The following RAPGEF4 variants were observed in gnomAD, a reference collection of about 807,000 sequenced individuals.
The protein encoded by RAPGEF4 is RAP guanine-nucleotide-exchange factor (GEF) 4.
A neutral mutation model predicts 147.9 loss-of-function variants in RAPGEF4; 66 were observed. That is an observed-to-expected ratio of 0.45 (90% CI 0.37 to 0.55). The LOEUF (loss-of-function observed/expected upper bound fraction) is 0.55. RAPGEF4 is among the 20% of genes least tolerant of loss of function. RAPGEF4 has a pLI of 0.00. For missense variants in RAPGEF4, 1,071 were observed against 1,257.3 expected (o/e 0.85, Z 2.24); for synonymous variants, 419 against 442.7 (o/e 0.95, Z 0.67).
chr2:172,867,104 T>G (rs1378639137), intron 4 of RAPGEF4, among the ~76,000 whole-genome samples: 2 of 152,052 alleles, frequency 1.3e-5, no homozygotes, highest in Non-Finnish European at 2.9e-5. Flanking sequence ...CCCTAGTAGC[T>G]GGGATTGCAG....
At chr2:172,749,046 G>A (rs551684896) in intron 1 of RAPGEF4, among the ~76,000 whole-genome samples, 1 of 152,338 alleles carries the variant, frequency 6.6e-6, no homozygotes, top group East Asian at 1.9e-4. Context: ...CCTGGCCCCT[G>A]TGGCTTTGCA....
At chr2:172,828,269 G>A (rs767863076) in intron 4 of RAPGEF4, among the ~76,000 whole-genome samples, 3 of 152,126 alleles carry the variant, frequency 2.0e-5, no homozygotes, top group Non-Finnish European at 2.9e-5. Context: ...CTCCATGGGC[G>A]TCGCATTCGT....
At chr2:172,892,694 C>G (rs1698062242) in intron 4 of RAPGEF4, among the ~76,000 whole-genome samples, 1 of 152,246 alleles carries the variant, frequency 6.6e-6, no homozygotes, top group African/African-American at 2.4e-5. Context: ...CTCCTTAACA[C>G]AGCCTGCTTT....
intron 1 of RAPGEF4, among the ~76,000 whole-genome samples, chr2:172,758,328 A>G (rs1212324213): frequency 6.6e-6 from 1 of 152,208 alleles, no homozygotes; most frequent in East Asian, 1.9e-4. Flanking sequence ...CAGATCACAT[A>G]GGAACTTGAC....
intron 4 of RAPGEF4, among the ~76,000 whole-genome samples, chr2:172,835,167 C>T (rs983225561): frequency 6.6e-6 from 1 of 152,008 alleles, no homozygotes; most frequent in Non-Finnish European, 1.5e-5. Flanking sequence ...GTAAATAGAC[C>T]GTGAAGAAGT....
chr2:173,020,221 A>G (rs1695939209), intron 22 of RAPGEF4, among the ~76,000 whole-genome samples: 1 of 152,230 alleles, frequency 6.6e-6, no homozygotes, highest in Non-Finnish European at 1.5e-5. Flanking sequence ...ATCTAAAATC[A>G]TGTGAGGTCT....
intron 1 of RAPGEF4, among the ~76,000 whole-genome samples, chr2:172,782,185 T>A (rs1684746803): frequency 6.6e-6 from 1 of 152,234 alleles, no homozygotes; most frequent in South Asian, 2.1e-4. Context: ...TACTTCTTTC[T>A]TAAAGCTAGA....
At chr2:172,762,827 G>T (rs1402421444) in intron 1 of RAPGEF4, among the ~76,000 whole-genome samples, 1 of 152,144 alleles carries the variant, frequency 6.6e-6, no homozygotes, top group Non-Finnish European at 1.5e-5. Context: ...ATAGGGAAGT[G>T]GCGAGTGGGG....
intron 21 of RAPGEF4, among the ~76,000 whole-genome samples, chr2:173,017,857 C>G (rs1695655176): frequency 6.6e-6 from 1 of 152,160 alleles, no homozygotes; most frequent in Admixed American, 6.5e-5. Context: ...AATGGATCAC[C>G]AGCATCCTGC....
intron 1 of RAPGEF4, among the ~76,000 whole-genome samples, chr2:172,785,728 G>A (rs1685131815): frequency 6.6e-6 from 1 of 152,102 alleles, no homozygotes; most frequent in Non-Finnish European, 1.5e-5. Flanking sequence ...TGCTAATGTG[G>A]TCCATTTCTT....
At chr2:173,039,254 GAGACCATCCTGACGAAC>G (rs1230892976) in intron 29 of RAPGEF4, among the ~76,000 whole-genome samples, 1 of 151,130 alleles carries the variant, frequency 6.6e-6, no homozygotes, top group Non-Finnish European at 1.5e-5. Flanking sequence ...TCAGGAGATC[GAGACCATCCTGACGAAC>G]ACAGTGAAAC....
chr2:172,860,333 C>T lies in RAPGEF4; in HGVS notation c.444+45908C>T, dbSNP rs539795720. ...CAGCTTGTTTTATCCATGTATTTAG[C>T]AGTGTGTTCACATATACAGGGAGCT... On this transcript the variant is annotated intron_variant, in intron 4 of 30. Coordinates refer to ENST00000397081, the MANE Select transcript of RAPGEF4 (RefSeq NM_007023.4). 3.6e-4 allele frequency: 351 copies of T among 985,142 alleles called. 3 individuals are homozygous for T. The African/African-American group carries it at 5.6e-3, about 16-fold the overall frequency. 61.0% of individuals were successfully genotyped at this position (985,142 alleles called of 1,614,324 possible).
At chr2:173,039,267 C>T (rs1684444104) in intron 29 of RAPGEF4, among the ~76,000 whole-genome samples, 1 of 150,166 alleles carries the variant, frequency 6.7e-6, no homozygotes, top group Non-Finnish European at 1.5e-5. Context: ...ACCATCCTGA[C>T]GAACACAGTG....
chr2:173,027,305 GT>G (rs751707998), intron 25 of RAPGEF4, 46 bp downstream of exon 25: 1 of 1,474,370 alleles, frequency 6.8e-7, no homozygotes, highest in Admixed American at 2.3e-5. Flanking sequence ...GTTGAGCTGT[GT>G]TTTCATTTTG....
chr2:173,041,805 A>G (rs548219248), intron 29 of RAPGEF4, among the ~76,000 whole-genome samples: 42 of 152,202 alleles, frequency 2.8e-4, no homozygotes, highest in Admixed American at 7.8e-4. Context: ...GGTTTTTTGT[A>G]CTAGCTGTTA....
intron 4 of RAPGEF4, among the ~76,000 whole-genome samples, chr2:172,890,387 C>G (rs963945304): frequency 6.6e-6 from 1 of 152,186 alleles, no homozygotes; most frequent in African/African-American, 2.4e-5. Context: ...GGCTACATTA[C>G]AGGAGACTCA....
chr2:173,051,494 A>G, intron 30 of RAPGEF4, 146 bp from the exon 31 acceptor site: 1 of 718,506 alleles, frequency 1.4e-6, no homozygotes, highest in Non-Finnish European at 2.0e-6. Context: ...AACCAAGTGG[A>G]AACGTTTCAA....
intron 4 of RAPGEF4, among the ~76,000 whole-genome samples, chr2:172,838,711 G>A (rs928602296): frequency 6.6e-6 from 1 of 152,032 alleles, no homozygotes; most frequent in East Asian, 1.9e-4. Flanking sequence ...AAGATATTGT[G>A]TACCCCAAAT....
intron 4 of RAPGEF4, among the ~76,000 whole-genome samples, chr2:172,873,757 G>A (rs1025492525): frequency 4.6e-5 from 7 of 152,110 alleles, no homozygotes; most frequent in South Asian, 4.1e-4. Flanking sequence ...AGAGTGAACC[G>A]ACAACCTAAG....
Sources: allele counts gnomAD v4.1 joint callset (sites outside exome capture counted in the v4.1 genomes callset), GRCh38; gene constraint gnomAD v4.1.1; transcripts MANE v1.5; gene names NCBI Gene and HGNC (gene_info 2026-07-23, HGNC 2026-07-21).